The following RNLS variants were observed in gnomAD, a reference collection of about 807,000 sequenced individuals.
The protein encoded by RNLS is renalase, FAD dependent amine oxidase.
Under a neutral mutation model 39.8 loss-of-function variants are expected in RNLS, and 39 were observed. That is an observed-to-expected ratio of 0.98 (90% CI 0.76 to 1.28). The LOEUF (loss-of-function observed/expected upper bound fraction) is 1.28, where lower values mean the gene tolerates loss of function less well. RNLS is among the 50% of genes most tolerant of loss of function. The probability of loss-of-function intolerance (pLI) is 0.00; values close to 1 mark genes in which losing one functional copy is unlikely to be tolerated. For synonymous variants in RNLS, 147 were observed against 150.7 expected, an observed-to-expected ratio of 0.98 and a Z score of 0.18; for missense variants, 410 against 413.3, an observed-to-expected ratio of 0.99 and a Z score of 0.07.
intron 4 of RNLS, among the ~76,000 whole-genome samples, chr10:88,431,711 CTGT>C (rs1196264907): frequency 6.6e-6 from 1 of 151,666 alleles, no homozygotes; most frequent in Non-Finnish European, 1.5e-5. Flanking sequence ...CTAATTTCCC[CTGT>C]TGACTTTCCC....
the RNLS span, among the ~76,000 whole-genome samples, chr10:88,212,559 G>T: frequency 6.6e-6 from 1 of 152,138 alleles, no homozygotes; most frequent in Non-Finnish European, 1.5e-5. Context: ...TTATGCCGTA[G>T]GCACTATTCT....
At chr10:88,394,977 G>C (rs964282210) in intron 4 of RNLS, among the ~76,000 whole-genome samples, 1 of 151,980 alleles carries the variant, frequency 6.6e-6, no homozygotes, top group Non-Finnish European at 1.5e-5. Flanking sequence ...CTCACTCATA[G>C]GTGGGAATTG....
the RNLS span, among the ~76,000 whole-genome samples, chr10:88,231,726 A>G: frequency 2.6e-5 from 4 of 152,222 alleles, no homozygotes; most frequent in Non-Finnish European, 5.9e-5. Flanking sequence ...GAGCCCAAAG[A>G]GTACCAGTAG....
At chr10:88,329,084 C>CTTTTTTTTTTTTTT (rs776645419) in intron 5 of RNLS, among the ~76,000 whole-genome samples, 1 of 142,110 alleles carries the variant, frequency 7.0e-6, no homozygotes, top group Non-Finnish European at 1.6e-5. Flanking sequence ...TTTTGTTTTT[C>CTTTTTTTTTTTTTT]TTTTTTTTTT....
intron 4 of RNLS, among the ~76,000 whole-genome samples, chr10:88,497,726 A>G (rs981314872): frequency 1.3e-5 from 2 of 152,086 alleles, no homozygotes; most frequent in African/African-American, 2.4e-5. Context: ...GTCATGTGAA[A>G]TATCTTACAT....
At chr10:88,378,851 A>C (rs1357728286) in intron 4 of RNLS, among the ~76,000 whole-genome samples, 2 of 152,182 alleles carry the variant, frequency 1.3e-5, no homozygotes, top group South Asian at 4.1e-4. Flanking sequence ...CTTTTTTATT[A>C]ATCTGCTGTT....
intron 4 of RNLS, among the ~76,000 whole-genome samples, chr10:88,528,107 A>C (rs1035653166): frequency 6.6e-6 from 1 of 152,096 alleles, no homozygotes; most frequent in Admixed American, 6.5e-5. Flanking sequence ...AAGGATATAC[A>C]TATATGCATA....
chr10:88,487,163 G>A (rs996225030), intron 4 of RNLS, among the ~76,000 whole-genome samples: 1 of 152,048 alleles, frequency 6.6e-6, no homozygotes, highest in African/African-American at 2.4e-5. Flanking sequence ...GCAAATTCAC[G>A]GAGACAAAGC....
the RNLS span, among the ~76,000 whole-genome samples, chr10:88,266,548 A>G: frequency 4.6e-5 from 7 of 152,022 alleles, no homozygotes; most frequent in African/African-American, 1.7e-4. Flanking sequence ...AAAGTGTAGA[A>G]TTATTCTCTT....
the RNLS span, among the ~76,000 whole-genome samples, chr10:88,210,695 A>G: frequency 6.6e-6 from 1 of 152,084 alleles, no homozygotes; most frequent in Non-Finnish European, 1.5e-5. Context: ...GGGGACTTGC[A>G]TGTTTGTTGC....
Position 88,439,999 on chromosome 10 carries a change from T to C in RNLS, c.527-77274A>G, listed in dbSNP as rs143909308. On this transcript the variant is annotated intron_variant, in intron 4 of 6. Transcript: ENST00000331772. ...TGATTCCTTCATGAACTGCTTGTTA[T>C]ATCACTGTGTGCATATCTGTCACTC... is the stretch of plus-strand genomic sequence containing the variant. Among the ~76,000 whole-genome samples the C allele has an allele frequency of 2.1e-3, 314 of 152,338 alleles. 2 individuals are homozygous for C. The highest frequency in any genetic ancestry group is 7.1e-3 in the African/African-American group (297 of 41,576).
At chr10:88,557,879 C>G (rs1365534873) in intron 4 of RNLS, among the ~76,000 whole-genome samples, 1 of 152,122 alleles carries the variant, frequency 6.6e-6, no homozygotes, top group African/African-American at 2.4e-5. Flanking sequence ...TAAATTATAG[C>G]TCTCTGCTCT....
intron 4 of RNLS, among the ~76,000 whole-genome samples, chr10:88,550,576 C>A (rs966454758): frequency 6.6e-6 from 1 of 152,110 alleles, no homozygotes; most frequent in African/African-American, 2.4e-5. Flanking sequence ...CCAATTGGAT[C>A]CTGGTTTGAA....
At chr10:88,524,970 T>TATA (rs1847016490) in intron 4 of RNLS, among the ~76,000 whole-genome samples, 1 of 120,470 alleles carries the variant, frequency 8.3e-6, no homozygotes, top group Non-Finnish European at 1.7e-5. Context: ...CATATATATA[T>TATA]ATATATATAT....
chr10:88,575,159 T>TATATATACAC (rs1386414416), intron 3 of RNLS, among the ~76,000 whole-genome samples: 4 of 43,384 alleles, frequency 9.2e-5, no homozygotes, highest in African/African-American at 3.5e-4. Context: ...TATATATATA[T>TATATATACAC]ACACACACAC....
chr10:88,443,495 G>A (rs544947103), intron 4 of RNLS, among the ~76,000 whole-genome samples: 7 of 152,254 alleles, frequency 4.6e-5, no homozygotes, highest in Non-Finnish European at 8.8e-5. Flanking sequence ...CACACCGAGC[G>A]TGAGCCGAAG....
At chr10:88,452,654 C>T (rs1195246451) in intron 4 of RNLS, among the ~76,000 whole-genome samples, 1 of 152,146 alleles carries the variant, frequency 6.6e-6, no homozygotes, top group Non-Finnish European at 1.5e-5. Flanking sequence ...AATGCTTCAT[C>T]TAGATAACAC....
At chr10:88,546,105 T>C (rs1484669941) in intron 4 of RNLS, among the ~76,000 whole-genome samples, 1 of 152,094 alleles carries the variant, frequency 6.6e-6, no homozygotes, top group African/African-American at 2.4e-5. Flanking sequence ...ATGAGGAATA[T>C]AGAATATTTT....
intron 4 of RNLS, among the ~76,000 whole-genome samples, chr10:88,365,350 C>T (rs1412181275): frequency 6.9e-6 from 1 of 145,376 alleles, no homozygotes; most frequent in African/African-American, 2.6e-5. Context: ...GAAACCAGCC[C>T]TAGGTCCCAC....
Sources: gnomAD v4.1 joint callset for allele counts (sites outside exome capture counted in the v4.1 genomes callset) on GRCh38, gnomAD v4.1.1 for gene constraint, MANE v1.5 for transcripts, NCBI Gene and HGNC (gene_info 2026-07-23, HGNC 2026-07-21) for gene names.